Variants in VASH2 observed in about 807,000 individuals in gnomAD.
VASH2 encodes tubulinyl-Tyr carboxypeptidase 2.
A neutral mutation model predicts 37.2 loss-of-function variants in VASH2; 28 were observed. The observed-to-expected ratio is 0.75, with a 90% CI of 0.56 to 1.03. The LOEUF is 1.03. Ranked by LOEUF, VASH2 falls within the 50% of genes least tolerant of loss-of-function variation. The probability of loss-of-function intolerance (pLI) is 0.00; values close to 1 mark genes in which losing one functional copy is unlikely to be tolerated. For missense variants in VASH2, 419 were observed against 459.1 expected, an observed-to-expected ratio of 0.91 and a Z score of 0.80; for synonymous variants, 188 against 174.7, an observed-to-expected ratio of 1.08 and a Z score of -0.60.
Position 212,975,615 on chromosome 1 carries a change from A to T in VASH2, c.995+1545A>T, listed in dbSNP as rs1396116440. Among the ~76,000 whole-genome samples, 3 of 152,232 alleles carry T rather than the reference A, an allele frequency of 2.0e-5. No individual in the cohort carries two copies. The East Asian group carries it at 5.8e-4, about 29-fold the overall frequency. ...CAAACATCCATTAACTGCTGTCATC[A>T]CAAAGTAGTTGTTGTCTCAGAGGAC... On this transcript the variant is annotated intron_variant, in intron 7 of 7. Coordinates refer to ENST00000517399, the MANE Select transcript of VASH2 (RefSeq NM_001301056.2).
chr1:212,988,552 CTGAA>C lies in VASH2; in HGVS notation c.1041_1044del (p.Asn347LysfsTer39). 1.9e-6 allele frequency: 3 copies of C among 1,614,168 alleles called. No homozygotes were observed. Among genetic ancestry groups the C allele is most frequent in the East Asian group, 2.2e-5 (1 of 44,882 alleles). The stretch of plus-strand genomic sequence containing the variant: ...AAAGAAGGTGGCTGATCTGAGCACT[CTGAA>C]TGAAGTGGGCTATCAAATCCGAATT... On this transcript the variant is annotated frameshift_variant, in exon 8 of 8. Coordinates refer to ENST00000517399, the MANE Select transcript of VASH2 (RefSeq NM_001301056.2). LOFTEE classifies it high-confidence loss of function.
chr1:212,968,492 CTG>C (rs2102638602), intron 5 of VASH2: 1 of 985,494 alleles, frequency 1.0e-6, no homozygotes, highest in East Asian at 1.1e-4. Flanking sequence ...TCTCTGCAGT[CTG>C]TGGAACACTT....
chr1:212,950,665 C>CCAG lies in VASH2; in HGVS notation c.-263_-261dup, dbSNP rs562947689. 3.4e-4 allele frequency: 53 copies of CCAG among 157,276 alleles called. No individual in the cohort carries two copies. The South Asian group carries it at 7.6e-3, about 22-fold the overall frequency. The allele number at this position is 157,276 out of a possible 1,614,324, so 9.7% of individuals were successfully genotyped here. On this transcript the variant is annotated 5_prime_UTR_variant, in exon 1 of 8. Coordinates refer to ENST00000517399, the MANE Select transcript of VASH2 (RefSeq NM_001301056.2). The surrounding 1 kb of genome is among the most constrained non-coding windows in gnomAD (Gnocchi z 5.5). The stretch of plus-strand genomic sequence containing the variant: ...AGCAGCCCCAGCCCCAGCCCCAGGC[C>CCAG]CAGCAGCAGCAGCAGCAGCCCCTGC...
At chr1:212,986,018 G>A (rs1327333876) in intron 7 of VASH2, among the ~76,000 whole-genome samples, 2 of 152,156 alleles carry the variant, frequency 1.3e-5, no homozygotes, top group Non-Finnish European at 1.5e-5. Context: ...ATGTTGAGGG[G>A]CAACTAATAG....
chr1:212,952,776 T>C (rs1314861380), intron 2 of VASH2: 1 of 152,194 alleles, frequency 6.6e-6, no homozygotes, highest in African/African-American at 2.4e-5. Flanking sequence ...GGTCTAGGAA[T>C]GCCAGACTTG....
chr1:212,978,558 T>C (rs1289056754), intron 7 of VASH2, among the ~76,000 whole-genome samples: 1 of 152,132 alleles, frequency 6.6e-6, no homozygotes, highest in African/African-American at 2.4e-5. Flanking sequence ...CATCAACTTT[T>C]CAAAAAAGGT....
rs2102642967 is a variant in VASH2, at chr1:212,971,300, G to T, written c.498-1280G>T. ...TGGGGTCGCTGCTTTCAATTCTTTT[G>T]GGTATGCACCCAGAAGTGGAATTGC... On this transcript the variant is annotated intron_variant, in intron 5 of 7. Coordinates refer to ENST00000517399, the MANE Select transcript of VASH2 (RefSeq NM_001301056.2). This position sits in a 1 kb window ranked among gnomAD's most constrained non-coding sequence, Gnocchi z 4.0. 6.6e-6 allele frequency among the ~76,000 whole-genome samples: 1 copy of T among 152,116 alleles called. No homozygotes were observed. The highest frequency in any genetic ancestry group is 2.0e-4 in the East Asian group (1 of 5,018).
At chr1:212,982,872 ACTCAAGCTGTTGATG>A (rs1303761443) in intron 7 of VASH2, among the ~76,000 whole-genome samples, 12 of 152,244 alleles carry the variant, frequency 7.9e-5, no homozygotes, top group African/African-American at 2.6e-4. Context: ...CTTTGGAAGC[ACTCAAGCTGTTGATG>A]CATTCAGCTT....
At chr1:212,982,001 C>G (rs1667353215) in intron 7 of VASH2, among the ~76,000 whole-genome samples, 1 of 152,186 alleles carries the variant, frequency 6.6e-6, no homozygotes, top group Non-Finnish European at 1.5e-5. Context: ...GTGCAGCTGT[C>G]AAAGTTGAGA....
intron 2 of VASH2, among the ~76,000 whole-genome samples, chr1:212,957,006 C>T (rs1024834731): frequency 3.9e-5 from 6 of 152,184 alleles, no homozygotes; most frequent in Non-Finnish European, 8.8e-5. Context: ...ACCTTGTATC[C>T]ATTCCACACT....
intron 5 of VASH2, chr1:212,969,255 A>T (rs3010775): frequency 1.1e-6 from 1 of 920,734 alleles, no homozygotes; most frequent in Non-Finnish European, 1.3e-6. Context: ...TGCAGTGGCG[A>T]GATCTCAGCT....
intron 2 of VASH2, among the ~76,000 whole-genome samples, chr1:212,955,949 C>T (rs1666476342): frequency 6.6e-6 from 1 of 152,254 alleles, no homozygotes; most frequent in South Asian, 2.1e-4. Flanking sequence ...GGGGCTCATT[C>T]TGGGCTCATG....
At position 212,982,656 on chromosome 1, in the gene VASH2, C is replaced by T. The variant is rs557364209; in HGVS notation, c.996-5856C>T. Among the ~76,000 whole-genome samples, 43 of 152,260 alleles carry T rather than the reference C, an allele frequency of 2.8e-4. No individual in the cohort carries two copies. The South Asian group carries it at 8.9e-3, about 32-fold the overall frequency. On this transcript the variant is annotated intron_variant, in intron 7 of 7. Transcript: ENST00000517399. ...ACAGGCAGGTGGCATGCTGTGATAA[C>T]CTACTTCTGCCCTATGCCAGCCAAG...
chr1:212,964,055 A>G (rs1002988060), intron 3 of VASH2, among the ~76,000 whole-genome samples: 5 of 152,222 alleles, frequency 3.3e-5, no homozygotes, highest in Non-Finnish European at 7.3e-5. Context: ...CTTAATGCCC[A>G]GGTCAGTAAC....
chr1:212,980,083 G>A (rs963836853), intron 7 of VASH2, among the ~76,000 whole-genome samples: 61 of 152,136 alleles, frequency 4.0e-4, no homozygotes, highest in African/African-American at 1.4e-3. Context: ...GGCCTGAGAT[G>A]GTAAATGCCC....
rs1268015468 is a variant in VASH2, at chr1:212,988,837, C to A, written c.*253C>A. ...CCCTCACTCAAGATCTTAAGGATAA[C>A]CGTAACTGAAGTTTTATATTTTTCC... is the stretch of plus-strand genomic sequence containing the variant. On this transcript the variant is annotated 3_prime_UTR_variant, in exon 8 of 8. Transcript: ENST00000517399. The A allele has an allele frequency of 6.6e-6, 3 of 453,912 alleles. No individual in the cohort carries two copies. The highest frequency in any genetic ancestry group is 8.1e-6 in the Non-Finnish European group (2 of 247,752). The allele number at this position is 453,912 out of a possible 1,614,324, so 28.1% of individuals were successfully genotyped here.
intron 5 of VASH2, chr1:212,967,814 T>C (rs2102637751): frequency 6.5e-6 from 1 of 153,418 alleles, no homozygotes; most frequent in Admixed American, 6.5e-5. Context: ...CAGGAGTTAA[T>C]GAGGAAGGAG....
At chr1:212,958,590 G>C (rs185156936) in intron 2 of VASH2, among the ~76,000 whole-genome samples, 1 of 152,328 alleles carries the variant, frequency 6.6e-6, no homozygotes, top group East Asian at 1.9e-4. Context: ...TTACAGCAAG[G>C]CTCTGGCCTA....
chr1:212,974,154 T>C, intron 7 of VASH2, 84 bp downstream of exon 7: 1 of 1,447,740 alleles, frequency 6.9e-7, no homozygotes, highest in Non-Finnish European at 9.2e-7. Flanking sequence ...CAAAGCTGTG[T>C]CTTGGGCATG....
Sources: gnomAD v4.1 joint callset for allele counts (sites outside exome capture counted in the v4.1 genomes callset) on GRCh38, gnomAD v4.1.1 for gene constraint, Gnocchi (gnomAD v3.1) non-coding constraint, MANE v1.5 for transcripts, NCBI Gene and HGNC (gene_info 2026-07-23, HGNC 2026-07-21) for gene names.